ZEB1: variants seen among roughly 807,000 people sequenced by gnomAD.
ZEB1 encodes zinc finger E-box-binding homeobox 1.
ZEB1 carries 21 observed loss-of-function variants against 84.9 expected under a neutral mutation model. The observed-to-expected ratio is 0.25, with a 90% confidence interval of 0.18 to 0.36. ZEB1 has a LOEUF of 0.36. Ranked by LOEUF, ZEB1 falls within the 10% of genes least tolerant of loss-of-function variation. The probability of loss-of-function intolerance (pLI) is 1.00; values close to 1 mark genes in which losing one functional copy is unlikely to be tolerated. For missense variants in ZEB1, 1,104 were observed against 1,330.2 expected (o/e 0.83, Z 2.65); for synonymous variants, 420 against 471.1 (o/e 0.89, Z 1.41).
In ZEB1 at chr10:31,524,177, A is replaced by G. The variant is rs896712659; in HGVS notation, c.2785+64A>G. The G allele has an allele frequency of 1.0e-5, 16 of 1,530,742 alleles. No homozygotes were observed. In the Admixed American group the frequency reaches 2.9e-4, roughly 27 times the overall value. The allele number at this position is 1,530,742 out of a possible 1,614,324, so 94.8% of individuals were successfully genotyped here. ...GATATACTGGAAGATGCAAAATTAA[A>G]AACTAAAGTTTTAGAATTTTCTTTC... On this transcript the variant is annotated intron_variant, in intron 8 of 8. Coordinates refer to ENST00000424869, the MANE Select transcript of ZEB1 (RefSeq NM_001174096.2).
intron 2 of ZEB1, among the ~76,000 whole-genome samples, chr10:31,481,316 G>T (rs2065014559): frequency 6.6e-6 from 1 of 152,000 alleles, no homozygotes; most frequent in Admixed American, 6.6e-5. Context: ...ATATTTCCAA[G>T]CCCTGCCTAC....
intron 4 of ZEB1, among the ~76,000 whole-genome samples, chr10:31,508,276 G>T (rs12257099): frequency 0.058 from 8,841 of 152,184 alleles, 722 homozygotes; most frequent in African/African-American, 0.18. Flanking sequence ...ACTCCAGGTG[G>T]CTTGCTTGGG....
chr10:31,344,098 T>C (rs917157416), intron 1 of ZEB1, among the ~76,000 whole-genome samples: 4 of 152,116 alleles, frequency 2.6e-5, no homozygotes, highest in African/African-American at 9.7e-5. Flanking sequence ...CATACATAAA[T>C]GCAGAGCAGA....
At chr10:31,337,728 C>T (rs2038473527) in intron 1 of ZEB1, among the ~76,000 whole-genome samples, 1 of 142,058 alleles carries the variant, frequency 7.0e-6, no homozygotes, top group South Asian at 2.2e-4. Flanking sequence ...CTGTGTCTCC[C>T]AGGCTGGAGT....
chr10:31,483,963 G>T (rs1486982738), intron 2 of ZEB1, among the ~76,000 whole-genome samples: 2 of 151,980 alleles, frequency 1.3e-5, no homozygotes, highest in Admixed American at 1.3e-4. Flanking sequence ...GGCATAGTCA[G>T]ATCCTTTTGA....
At chr10:31,485,759 T>G (rs1272061767) in intron 2 of ZEB1, among the ~76,000 whole-genome samples, 2 of 151,404 alleles carry the variant, frequency 1.3e-5, no homozygotes, top group Non-Finnish European at 3.0e-5. Flanking sequence ...TGATATTCAT[T>G]TATTTGAGCT....
At chr10:31,473,814 A>AC (rs755006794) in intron 2 of ZEB1, among the ~76,000 whole-genome samples, 3 of 150,536 alleles carry the variant, frequency 2.0e-5, no homozygotes, top group Non-Finnish European at 4.4e-5. Flanking sequence ...AAACTATACT[A>AC]CAAGGCTACA....
chr10:31,385,090 T>A (rs987802323), intron 1 of ZEB1, among the ~76,000 whole-genome samples: 1 of 152,234 alleles, frequency 6.6e-6, no homozygotes, highest in Non-Finnish European at 1.5e-5. Flanking sequence ...TTTTTCACAT[T>A]TAAACCTGAT....
chr10:31,415,717 A>T (rs939773669), intron 1 of ZEB1, among the ~76,000 whole-genome samples: 1 of 152,190 alleles, frequency 6.6e-6, no homozygotes, highest in East Asian at 1.9e-4. Context: ...TGAAAGCAAA[A>T]TCTGTATTTG....
intron 1 of ZEB1, among the ~76,000 whole-genome samples, chr10:31,450,815 TC>T (rs2060469980): frequency 6.6e-6 from 1 of 152,188 alleles, no homozygotes; most frequent in African/African-American, 2.4e-5. Flanking sequence ...AATGTTTGCT[TC>T]ATTCTTTTAA....
chr10:31,464,453 A>T (rs758799530), intron 2 of ZEB1, among the ~76,000 whole-genome samples: 11 of 152,214 alleles, frequency 7.2e-5, no homozygotes, highest in South Asian at 2.1e-4. Context: ...CAGCAGCCAT[A>T]CTTGAAGAAA....
At chr10:31,442,260 G>C (rs2059103181) in intron 1 of ZEB1, among the ~76,000 whole-genome samples, 2 of 152,164 alleles carry the variant, frequency 1.3e-5, no homozygotes, top group South Asian at 4.1e-4. Flanking sequence ...CCTTTGTAGG[G>C]ACATGGATGA....
Position 31,527,498 on chromosome 10 carries a change from A to T in ZEB1, c.*234A>T. 5.4e-6 allele frequency: 3 copies of T among 554,894 alleles called. No individual in the cohort carries two copies. The highest frequency in any genetic ancestry group is 9.2e-6 in the Non-Finnish European group (3 of 325,536). 34.4% of individuals were successfully genotyped at this position (554,894 alleles called of 1,614,324 possible). A position where few individuals can be genotyped will look rare whatever the true frequency, so the allele number is the denominator to read the frequency against. On this transcript the variant is annotated 3_prime_UTR_variant, in exon 9 of 9. Coordinates refer to ENST00000424869, the MANE Select transcript of ZEB1 (RefSeq NM_001174096.2). ...TGAACCTCAGACCTAGTAATTTTTC[A>T]TGCAGTTTTCAAAGTTAGGAACAAG... is the stretch of plus-strand genomic sequence containing the variant.
At chr10:31,396,240 A>G (rs1369123979) in intron 1 of ZEB1, among the ~76,000 whole-genome samples, 1 of 152,202 alleles carries the variant, frequency 6.6e-6, no homozygotes, top group Non-Finnish European at 1.5e-5. Flanking sequence ...GTCATGTATA[A>G]TAGTGCTATA....
intron 1 of ZEB1, among the ~76,000 whole-genome samples, chr10:31,338,501 A>G (rs1348352719): frequency 6.6e-6 from 1 of 152,236 alleles, no homozygotes; most frequent in African/African-American, 2.4e-5. Flanking sequence ...CATATGAAGT[A>G]GATCTCTAAG....
intron 1 of ZEB1, among the ~76,000 whole-genome samples, chr10:31,440,725 C>G (rs1461274675): frequency 2.0e-5 from 3 of 152,084 alleles, no homozygotes; most frequent in Non-Finnish European, 2.9e-5. Context: ...GATACAAAAT[C>G]TATGGGCAAA....
chr10:31,510,984 A>G, intron 5 of ZEB1, 109 bp downstream of exon 5: 1 of 1,025,266 alleles, frequency 9.8e-7, no homozygotes, highest in South Asian at 1.3e-5. Flanking sequence ...TGTACTAAAC[A>G]GTGCTATATC....
chr10:31,439,311 A>G (rs1214873939), intron 1 of ZEB1, among the ~76,000 whole-genome samples: 2 of 152,184 alleles, frequency 1.3e-5, no homozygotes, highest in Non-Finnish European at 1.5e-5. Flanking sequence ...ATGTATGCAT[A>G]TTTGCATACA....
chr10:31,345,861 C>A (rs1284768488), intron 1 of ZEB1, among the ~76,000 whole-genome samples: 4 of 152,034 alleles, frequency 2.6e-5, no homozygotes, highest in Non-Finnish European at 2.9e-5. Flanking sequence ...GAAAGAAATT[C>A]TTTTCCTTCT....
Sources: allele counts gnomAD v4.1 joint callset (sites outside exome capture counted in the v4.1 genomes callset), GRCh38; gene constraint gnomAD v4.1.1; transcripts MANE v1.5; gene names NCBI Gene and HGNC (gene_info 2026-07-23, HGNC 2026-07-21).